ZNF385D: variants seen among roughly 807,000 people sequenced by gnomAD.
The protein encoded by ZNF385D is zinc finger protein 385D.
Under a neutral mutation model 35.8 loss-of-function variants are expected in ZNF385D, and 15 were observed. The ratio of observed to expected loss-of-function variants is 0.42; its 90% CI spans 0.28 to 0.64. The LOEUF is 0.64. Ranked by LOEUF, ZNF385D falls within the 30% of genes least tolerant of loss-of-function variation. The pLI, the probability that ZNF385D is intolerant of heterozygous loss-of-function variation, is 0.23. For missense variants in ZNF385D, 474 were observed against 494.6 expected (o/e 0.96, Z 0.39); for synonymous variants, 212 against 186.8 (o/e 1.13, Z -1.10).
chr3:21,681,027 T>C (rs933917393), intron 1 of ZNF385D, among the ~76,000 whole-genome samples: 2 of 152,098 alleles, frequency 1.3e-5, no homozygotes, highest in Non-Finnish European at 1.5e-5. Flanking sequence ...TTGTCTTCCA[T>C]TGAATTGCCC....
At chr3:22,067,980 A>G (rs1197574751) in intron 3 of ZNF385D, among the ~76,000 whole-genome samples, 6 of 150,344 alleles carry the variant, frequency 4.0e-5, no homozygotes, top group Admixed American at 1.3e-4. Flanking sequence ...GCCACTGCAC[A>G]CCAGCCTGGT....
At chr3:21,786,195 T>C (rs1008464687) in intron 3 of ZNF385D, among the ~76,000 whole-genome samples, 7 of 152,178 alleles carry the variant, frequency 4.6e-5, no homozygotes, top group Non-Finnish European at 8.8e-5. Context: ...TTTTCTAGGA[T>C]TCCTCACGAA....
chr3:21,869,302 C>T (rs902326546), intron 3 of ZNF385D, among the ~76,000 whole-genome samples: 2 of 152,170 alleles, frequency 1.3e-5, no homozygotes, highest in East Asian at 1.9e-4. Flanking sequence ...TCTTCAGAGG[C>T]GGACATAGGT....
chr3:21,722,570 C>T (rs1006975833), intron 1 of ZNF385D, among the ~76,000 whole-genome samples: 4 of 152,184 alleles, frequency 2.6e-5, no homozygotes, highest in South Asian at 2.1e-4. Flanking sequence ...AAGGCGTGGG[C>T]GCCACAGTGC....
chr3:21,664,961 C>G lies in ZNF385D; in HGVS notation c.90G>C (p.Ser30=). The change falls in exon 2 of 8, where the codon TCG becomes TCC. Residue 30 remains serine, a synonymous_variant. Transcript: ENST00000281523. The part of the protein sequence containing the change: ...VRPPAPPLQP[S]LDIKPFLPFP... ...AGGGAAGAAATGGTTTAATATCCAGCGATGGTTGCAAAGGAGGGGCTGGTG... is the reference window on the plus strand; with the variant it reads ...AGGGAAGAAATGGTTTAATATCCAGGGATGGTTGCAAAGGAGGGGCTGGTG... 6.2e-7 allele frequency: 1 copy of G among 1,613,548 alleles called. No homozygotes were observed.
At chr3:21,992,007 A>G (rs999292645) in intron 3 of ZNF385D, among the ~76,000 whole-genome samples, 1 of 152,198 alleles carries the variant, frequency 6.6e-6, no homozygotes, top group Non-Finnish European at 1.5e-5. Context: ...CTAGCTAACT[A>G]TTCTCTTTAG....
intron 3 of ZNF385D, among the ~76,000 whole-genome samples, chr3:21,785,857 T>C (rs1383519884): frequency 6.6e-6 from 1 of 152,208 alleles, no homozygotes; most frequent in Non-Finnish European, 1.5e-5. Flanking sequence ...GTACTGAATG[T>C]GGCAATTGCT....
chr3:21,424,858 A>C (rs1700941408), intron 6 of ZNF385D, among the ~76,000 whole-genome samples: 1 of 152,108 alleles, frequency 6.6e-6, no homozygotes, highest in Non-Finnish European at 1.5e-5. Flanking sequence ...AAGATAAATA[A>C]GGTGCATAAA....
At chr3:22,242,488 T>C (rs1325777284) in intron 2 of ZNF385D, among the ~76,000 whole-genome samples, 2 of 150,386 alleles carry the variant, frequency 1.3e-5, no homozygotes, top group South Asian at 2.2e-4. Context: ...TTGGTATTTT[T>C]CCCCGAAATC....
At chr3:22,209,700 C>T (rs887123328) in intron 2 of ZNF385D, among the ~76,000 whole-genome samples, 1 of 151,554 alleles carries the variant, frequency 6.6e-6, no homozygotes, top group Non-Finnish European at 1.5e-5. Flanking sequence ...CTGCTGATTC[C>T]ACCAACATCC....
chr3:22,278,587 TCTC>T (rs1175039431), intron 2 of ZNF385D, among the ~76,000 whole-genome samples: 1 of 152,086 alleles, frequency 6.6e-6, no homozygotes, highest in Non-Finnish European at 1.5e-5. Context: ...GTTCTATAAT[TCTC>T]CTCTTCACAT....
chr3:21,822,064 AG>A (rs758281833), intron 3 of ZNF385D, among the ~76,000 whole-genome samples: 3 of 151,554 alleles, frequency 2.0e-5, no homozygotes, highest in Non-Finnish European at 4.4e-5. Context: ...GGTTTAGTCA[AG>A]TTAAAATAAT....
intron 3 of ZNF385D, among the ~76,000 whole-genome samples, chr3:22,020,748 C>G (rs886085024): frequency 2.0e-4 from 30 of 151,894 alleles, no homozygotes; most frequent in Non-Finnish European, 4.4e-5. Flanking sequence ...ATAGAACTAC[C>G]ATTTAATCCA....
intron 3 of ZNF385D, among the ~76,000 whole-genome samples, chr3:21,797,070 G>A (rs1017612051): frequency 4.6e-5 from 7 of 152,060 alleles, no homozygotes; most frequent in Non-Finnish European, 1.0e-4. Context: ...AATAAGTCAA[G>A]ACGTATTTGC....
chr3:22,222,765 T>TA (rs1698337197), intron 2 of ZNF385D, among the ~76,000 whole-genome samples: 1 of 152,226 alleles, frequency 6.6e-6, no homozygotes, highest in Non-Finnish European at 1.5e-5. Context: ...TGTGAATTTT[T>TA]ATTATTAGAT....
chr3:22,251,878 G>A (rs1265582825), intron 2 of ZNF385D, among the ~76,000 whole-genome samples: 1 of 152,074 alleles, frequency 6.6e-6, no homozygotes, highest in South Asian at 2.1e-4. Flanking sequence ...GCCTTTGAAA[G>A]TTCAATTCCC....
chr3:21,930,443 C>T lies in ZNF385D; in HGVS notation c.325+238374G>A, dbSNP rs1029117320. 3.3e-5 allele frequency among the ~76,000 whole-genome samples: 5 copies of T among 152,158 alleles called. No homozygotes were observed. In the East Asian group the frequency reaches 9.6e-4, roughly 29 times the overall value. ...AAAATAAAGAAATAGATACTCTGGA[C>T]TTCACTCTAATTTCAAAAATTTGGG... On this transcript the variant is annotated intron_variant, in intron 3 of 5. Transcript: ENST00000494108.
At chr3:22,288,215 C>T (rs1702124843) in intron 2 of ZNF385D, among the ~76,000 whole-genome samples, 1 of 151,960 alleles carries the variant, frequency 6.6e-6, no homozygotes, top group Non-Finnish European at 1.5e-5. Flanking sequence ...AATAATGTGC[C>T]TCAGAGTGAG....
chr3:22,363,915 A>T (rs892228214), intron 2 of ZNF385D, among the ~76,000 whole-genome samples: 1 of 152,124 alleles, frequency 6.6e-6, no homozygotes, highest in Non-Finnish European at 1.5e-5. Context: ...AGCATGAAGC[A>T]GGACATTTTG....
Sources: gnomAD v4.1 joint callset for allele counts (sites outside exome capture counted in the v4.1 genomes callset) on GRCh38, gnomAD v4.1.1 for gene constraint, MANE v1.5 for transcripts, NCBI Gene and HGNC (gene_info 2026-07-23, HGNC 2026-07-21) for gene names.